HIGD1A: variants seen among roughly 807,000 people sequenced by gnomAD.
HIGD1A encodes the protein HIG1 hypoxia inducible domain family member 1A.
Under a neutral mutation model 11.3 loss-of-function variants are expected in HIGD1A, and 8 were observed. That is an observed-to-expected ratio of 0.71 (90% CI 0.42 to 1.28). HIGD1A has a LOEUF of 1.28. Among genes scored for constraint, HIGD1A ranks in the 50% most tolerant of loss-of-function variants. HIGD1A has a pLI of 0.01. For missense variants in HIGD1A, 107 were observed against 118.8 expected, an observed-to-expected ratio of 0.90 and a Z score of 0.46; for synonymous variants, 32 against 38.4, an observed-to-expected ratio of 0.83 and a Z score of 0.62.
rs948965605 is a variant in HIGD1A at position 42,784,656 on chromosome 3, A to G, written c.*615T>C. On this transcript the variant is annotated 3_prime_UTR_variant, in exon 4 of 4. Coordinates refer to ENST00000321331, the MANE Select transcript of HIGD1A (RefSeq NM_014056.4). ...AAAAATATAATTTGCAATTACAAAA[A>G]ACTAAACTAGAATCCTTAAATTATT... The G allele has an allele frequency of 6.5e-6, 1 of 152,676 alleles. No homozygotes were observed. The highest frequency in any genetic ancestry group is 2.4e-5 in the African/African-American group (1 of 41,470). 9.5% of individuals were successfully genotyped at this position (152,676 alleles called of 1,614,324 possible). A position where few individuals can be genotyped will look rare whatever the true frequency, so the allele number is the denominator to read the frequency against.
At chr3:42,800,876 T>C (rs1700549853) in intron 1 of HIGD1A, among the ~76,000 whole-genome samples, 3 of 152,218 alleles carry the variant, frequency 2.0e-5, no homozygotes, top group African/African-American at 7.2e-5. Context: ...ATTTGGAGGT[T>C]TGAAGTGAAT....
At chr3:42,796,231 G>A (rs1430845949) in intron 1 of HIGD1A, among the ~76,000 whole-genome samples, 2 of 152,126 alleles carry the variant, frequency 1.3e-5, no homozygotes, top group African/African-American at 4.8e-5. Flanking sequence ...TGACATAGAA[G>A]AAAATCTTAG....
At position 42,784,071 on chromosome 3, in the gene HIGD1A, G is replaced by A. The variant is rs1201112944; in HGVS notation, c.*1200C>T. ...AGCCAAGATGACAGAGAATAACTCC[G>A]TCTCAAAAAAAAAAAAAAAAAATTT... On this transcript the variant is annotated 3_prime_UTR_variant, in exon 4 of 4. Coordinates refer to ENST00000321331, the MANE Select transcript of HIGD1A (RefSeq NM_014056.4). Among the ~76,000 whole-genome samples, 25 of 47,126 alleles carry A rather than the reference G, an allele frequency of 5.3e-4. No individual in the cohort carries two copies. In the Admixed American group the frequency reaches 5.9e-3, roughly 11 times the overall value. 30.9% of individuals were successfully genotyped at this position (47,126 alleles called of 152,430 possible).
intron 2 of HIGD1A, among the ~76,000 whole-genome samples, chr3:42,791,483 G>A (rs1334248482): frequency 1.3e-5 from 2 of 152,158 alleles, no homozygotes; most frequent in East Asian, 3.8e-4. Context: ...ATGAAAAGAT[G>A]CTCAAAGAAT....
chr3:42,796,362 CAA>C lies in HIGD1A; in HGVS notation c.-22-2089_-22-2088del, dbSNP rs1332618648. On this transcript the variant is annotated intron_variant, in intron 1 of 3. Transcript: ENST00000321331. The stretch of plus-strand genomic sequence containing the variant: ...TATAAGGTTCAATAAGCTCAAGGTT[CAA>C]GATACTCACTATATATCTGAATAAT... Among the ~76,000 whole-genome samples, 4 of 151,530 alleles carry C rather than the reference CAA, an allele frequency of 2.6e-5. No homozygotes were observed. In the East Asian group the frequency reaches 7.7e-4, roughly 29 times the overall value.
chr3:42,794,443 G>A, intron 1 of HIGD1A, 168 bp from the exon 2 acceptor site: 1 of 672,128 alleles, frequency 1.5e-6, no homozygotes, highest in Non-Finnish European at 2.3e-6. Flanking sequence ...TTAATGTACA[G>A]TCACTCTCAA....
rs201602754 is a variant in HIGD1A, at chr3:42,783,619, TAAAC to T, written c.*1648_*1651del. On this transcript the variant is annotated 3_prime_UTR_variant, in exon 4 of 4. Coordinates refer to ENST00000321331, the MANE Select transcript of HIGD1A (RefSeq NM_014056.4). ...AACAGAGCAAGACTCTGTCTCAAAA[TAAAC>T]AAACAAACAAACAAACAAACAGTAT... Among the ~76,000 whole-genome samples the T allele has an allele frequency of 1.7e-3, 266 of 152,264 alleles. 1 individual carries two copies. The highest frequency in any genetic ancestry group is 0.012 in the South Asian group (58 of 4,828).
At position 42,794,281 on chromosome 3, in the gene HIGD1A, A is replaced by G. The variant is rs1261661061; in HGVS notation, c.-22-6T>C. 6.4e-7 allele frequency: 1 copy of G among 1,560,634 alleles called. No individual in the cohort carries two copies. Among genetic ancestry groups the G allele is most frequent in the East Asian group, 2.4e-5 (1 of 41,892 alleles). On this transcript the variant is annotated splice_region_variant and splice_polypyrimidine_tract_variant and intron_variant, in intron 1 of 3. Transcript: ENST00000321331. ...TGATTGCTTGAAGAATCTCCCTGAG[A>G]AAGAATTTCTATGAGGTTCTGTAAT...
intron 1 of HIGD1A, among the ~76,000 whole-genome samples, chr3:42,803,713 G>A (rs1212769636): frequency 6.6e-6 from 1 of 152,224 alleles, no homozygotes; most frequent in Non-Finnish European, 1.5e-5. Context: ...TTAAGACAAA[G>A]GCGAATATCA....
chr3:42,796,136 A>G (rs1045434143), intron 1 of HIGD1A, among the ~76,000 whole-genome samples: 1 of 152,048 alleles, frequency 6.6e-6, no homozygotes, highest in African/African-American at 2.4e-5. Context: ...CAAAAATGCA[A>G]CTCCGGAGGG....
intron 1 of HIGD1A, among the ~76,000 whole-genome samples, chr3:42,796,765 C>T (rs981237794): frequency 3.3e-5 from 5 of 151,842 alleles, no homozygotes; most frequent in African/African-American, 1.2e-4. Flanking sequence ...TAAGATCAGA[C>T]GAGCCAGTTT....
Position 42,794,238 on chromosome 3 carries a change from C to T in HIGD1A, c.16G>A (p.Gly6Ser), listed in dbSNP as rs779074612. ...TCCTCATATGAAGGAAGGGAAACAC[C>T]TGTGTCTGTTGACATAGTGATTGCT... MSTDT[G>S]VSLPSYEEDQ... Residue 6 changes from glycine (G) to serine (S), a missense_variant, in exon 2 of 4, where the codon GGT becomes AGT. Coordinates refer to ENST00000321331, the MANE Select transcript of HIGD1A (RefSeq NM_014056.4). The T allele has an allele frequency of 1.4e-5, 23 of 1,603,732 alleles. No individual in the cohort carries two copies. The South Asian group carries it at 2.4e-4, about 17-fold the overall frequency.
Position 42,785,115 on chromosome 3 carries a change from T to A in HIGD1A, c.*156A>T, listed in dbSNP as rs1243296812. The stretch of plus-strand genomic sequence containing the variant: ...ACTAGTAATTCGGTCACCAAGCAAA[T>A]CAAGCCTGCAAGAAAGGAAGCCAAT... On this transcript the variant is annotated 3_prime_UTR_variant, in exon 4 of 4. Coordinates refer to ENST00000321331, the MANE Select transcript of HIGD1A (RefSeq NM_014056.4). 2 of 566,354 alleles carry A rather than the reference T, an allele frequency of 3.5e-6. No individual in the cohort carries two copies. The highest frequency in any genetic ancestry group is 1.9e-5 in the African/African-American group (1 of 52,464). 35.1% of individuals were successfully genotyped at this position (566,354 alleles called of 1,614,324 possible). A position where few individuals can be genotyped will look rare whatever the true frequency, so the allele number is the denominator to read the frequency against.
intron 2 of HIGD1A, among the ~76,000 whole-genome samples, chr3:42,790,493 A>G (rs1014977734): frequency 6.6e-6 from 1 of 152,228 alleles, no homozygotes; most frequent in Non-Finnish European, 1.5e-5. Flanking sequence ...AGATTGTGCC[A>G]CTGCACTCCA....
At chr3:42,785,894 A>C (rs1443077457) in intron 3 of HIGD1A, 134 bp downstream of exon 3, 2 of 799,092 alleles carry the variant, frequency 2.5e-6, no homozygotes, top group Non-Finnish European at 4.1e-6. Flanking sequence ...TCATTAATTC[A>C]TTTTTTACAT....
At chr3:42,787,602 T>A (rs184290725) in intron 2 of HIGD1A, among the ~76,000 whole-genome samples, 33,658 of 83,224 alleles carry the variant, frequency 0.4, 5,213 homozygotes, top group South Asian at 0.5. Context: ...AAAATATATA[T>A]ATATATATAT....
At chr3:42,800,498 T>A (rs1700542667) in intron 1 of HIGD1A, among the ~76,000 whole-genome samples, 1 of 152,116 alleles carries the variant, frequency 6.6e-6, no homozygotes, top group Non-Finnish European at 1.5e-5. Context: ...ACAAGCTGAT[T>A]CCTCTACTTG....
intron 2 of HIGD1A, among the ~76,000 whole-genome samples, chr3:42,791,957 T>G (rs1700426304): frequency 6.6e-6 from 1 of 152,224 alleles, no homozygotes; most frequent in South Asian, 2.1e-4. Flanking sequence ...ACAAAATTAA[T>G]GATTCAATTA....
At chr3:42,796,705 G>T (rs1700504059) in intron 1 of HIGD1A, among the ~76,000 whole-genome samples, 1 of 152,218 alleles carries the variant, frequency 6.6e-6, no homozygotes, top group African/African-American at 2.4e-5. Flanking sequence ...AGATGAAATG[G>T]GAAGTTGAAG....
Sources: allele counts gnomAD v4.1 joint callset (sites outside exome capture counted in the v4.1 genomes callset), GRCh38; gene constraint gnomAD v4.1.1; transcripts MANE v1.5; gene names NCBI Gene and HGNC (gene_info 2026-07-23, HGNC 2026-07-21).